Variants in POLR2C observed in about 807,000 individuals in gnomAD.
POLR2C encodes the protein DNA-directed RNA polymerase II subunit RPB3.
In POLR2C, 36 loss-of-function variants were observed where a neutral mutation model predicts 41.7. The observed-to-expected ratio is 0.86, with a 90% CI of 0.66 to 1.14. The LOEUF is 1.14. Ranked by LOEUF, POLR2C falls within the 50% of genes most tolerant of loss-of-function variation. POLR2C has a pLI of 0.00. For synonymous variants in POLR2C, 133 were observed against 137.8 expected (o/e 0.96, Z 0.25); for missense variants, 260 against 350.4 (o/e 0.74, Z 2.06).
Position 57,471,416 on chromosome 16 carries a change from A to C in POLR2C, c.*297A>C. 1 of 345,464 alleles carries C rather than the reference A, an allele frequency of 2.9e-6. No individual in the cohort carries two copies. The highest frequency in any genetic ancestry group is 5.4e-6 in the Non-Finnish European group (1 of 186,344). 21.4% of individuals were successfully genotyped at this position (345,464 alleles called of 1,614,324 possible). On this transcript the variant is annotated 3_prime_UTR_variant, in exon 9 of 9. Transcript: ENST00000219252. ...AGTGCACCTGTAGGGAACCAACTAG[A>C]CTTCTCTCCTGGTTAGTCCAGCTCT...
intron 2 of POLR2C, 187 bp downstream of exon 2, chr16:57,463,265 G>C (rs2030624973): frequency 1.6e-6 from 1 of 640,610 alleles, no homozygotes; most frequent in African/African-American, 1.8e-5. Context: ...TGGCGCCCAC[G>C]GGCCACTTAG....
At chr16:57,467,315 C>G (rs2030733133) in intron 4 of POLR2C, among the ~76,000 whole-genome samples, 1 of 152,354 alleles carries the variant, frequency 6.6e-6, no homozygotes, top group Admixed American at 6.5e-5. Flanking sequence ...TACGTTGTCA[C>G]ATTTTAACAT....
Position 57,463,091 on chromosome 16 carries a change from C to T in POLR2C, c.136+13C>T, listed in dbSNP as rs1193252610. The T allele has an allele frequency of 1.2e-6, 2 of 1,604,922 alleles. No individual in the cohort carries two copies. Among genetic ancestry groups the T allele is most frequent in the South Asian group, 2.2e-5 (2 of 90,906 alleles). On this transcript the variant is annotated intron_variant, in intron 2 of 8. Coordinates refer to ENST00000219252, the MANE Select transcript of POLR2C (RefSeq NM_032940.3). The stretch of plus-strand genomic sequence containing the variant: ...GTTCCCATAATAGGTAAGCGACTCC[C>T]CTTCCTCGTTCCCGCGCCCACGGGT...
chr16:57,470,339 A>C lies in POLR2C; in HGVS notation c.668A>C (p.Asn223Thr). Residue 223 changes from asparagine (N) to threonine (T), a missense_variant, in exon 8 of 9, where the codon AAC (asparagine) becomes ACC (threonine). Transcript: ENST00000219252. ...GAGTCGCAGGCTCCCTATGACCCCAACGGCAAGCCAGAAAGGTAAGAGCCT... is the reference window on the plus strand; with the variant it reads ...GAGTCGCAGGCTCCCTATGACCCCACCGGCAAGCCAGAAAGGTAAGAGCCT... ...EDESQAPYDP[N>T]GKPERFYYNV... 6.2e-7 allele frequency: 1 copy of C among 1,608,634 alleles called. No homozygotes were observed. The highest frequency in any genetic ancestry group is 8.5e-7 in the Non-Finnish European group (1 of 1,177,294).
intron 2 of POLR2C, among the ~76,000 whole-genome samples, chr16:57,464,211 T>G (rs557126753): frequency 1.4e-4 from 21 of 152,234 alleles, no homozygotes; most frequent in Non-Finnish European, 2.8e-4. Flanking sequence ...GCTTTTTTAT[T>G]AATCTATTCC....
At position 57,471,412 on chromosome 16, in the gene POLR2C, C is replaced by G. The variant is rs2030835677; in HGVS notation, c.*293C>G. ...TTCCAGTGCACCTGTAGGGAACCAA[C>G]TAGACTTCTCTCCTGGTTAGTCCAG... On this transcript the variant is annotated 3_prime_UTR_variant, in exon 9 of 9. Transcript: ENST00000219252. 2.8e-6 allele frequency: 1 copy of G among 355,980 alleles called. No homozygotes were observed. Among genetic ancestry groups the G allele is most frequent in the Admixed American group, 4.2e-5 (1 of 23,826 alleles). 22.1% of individuals were successfully genotyped at this position (355,980 alleles called of 1,614,324 possible). A position where few individuals can be genotyped will look rare whatever the true frequency, so the allele number is the denominator to read the frequency against.
rs2030602380 is a variant in POLR2C at position 57,462,768 on chromosome 16, C to T, written c.44C>T (p.Thr15Ile). ...CCTACCGTGCGGATCACGGAGCTCA[C>T]TGACGAGAATGTCAAGTTCATCATC... The part of the protein sequence containing the change: ...NQPTVRITEL[T>I]DENVKFIIEN... The change falls in exon 1 of 9, where the codon ACT (threonine) becomes ATT (isoleucine). Residue 15 changes from threonine (T) to isoleucine (I), a missense_variant. Physicochemically the swap from Thr to Ile is moderately conservative, Grantham distance 89 (BLOSUM62 -1). Transcript: ENST00000219252. The T allele has an allele frequency of 6.2e-7, 1 of 1,609,394 alleles. No homozygotes were observed. The highest frequency in any genetic ancestry group is 8.5e-7 in the Non-Finnish European group (1 of 1,177,826).
chr16:57,466,783 C>A (rs1410318930), intron 4 of POLR2C, among the ~76,000 whole-genome samples: 1 of 152,104 alleles, frequency 6.6e-6, no homozygotes, highest in Admixed American at 6.5e-5. Flanking sequence ...TTACCTTCAT[C>A]CTTTCACTAG....
chr16:57,463,837 G>C (rs2030640121), intron 2 of POLR2C: 16 of 317,008 alleles, frequency 5.0e-5, no homozygotes, highest in South Asian at 3.7e-4. Flanking sequence ...CAGCTACTGG[G>C]GAGGCTGAGG....
Position 57,469,918 on chromosome 16 carries a change from A to T in POLR2C, c.440-43A>T. 1 of 1,606,114 alleles carries T rather than the reference A, an allele frequency of 6.2e-7. No individual in the cohort carries two copies. The highest frequency in any genetic ancestry group is 8.5e-7 in the Non-Finnish European group (1 of 1,174,916). ...ACTCCAAGTCAGAATTTGGAGAAGC[A>T]TGTCTCTCCTGGCCCTTGACTGACT... On this transcript the variant is annotated intron_variant, in intron 6 of 8. Coordinates refer to ENST00000219252, the MANE Select transcript of POLR2C (RefSeq NM_032940.3). This position sits in a 1 kb window ranked among gnomAD's most constrained non-coding sequence, Gnocchi z 5.8.
intron 4 of POLR2C, among the ~76,000 whole-genome samples, chr16:57,468,028 T>G (rs1275105424): frequency 6.6e-6 from 1 of 152,154 alleles, no homozygotes; most frequent in Non-Finnish European, 1.5e-5. Context: ...TTCTATTTTT[T>G]CAGACAGGTC....
chr16:57,463,328 G>C, intron 2 of POLR2C: 1 of 590,628 alleles, frequency 1.7e-6, no homozygotes, highest in Non-Finnish European at 3.0e-6. Context: ...TTAGCAGTGT[G>C]CAGACTTGGG....
rs199997346 is a variant in POLR2C at position 57,469,315 on chromosome 16, C to G, written c.387+22C>G. 6.2e-7 allele frequency: 1 copy of G among 1,611,704 alleles called. No individual in the cohort carries two copies. Among genetic ancestry groups the G allele is most frequent in the Non-Finnish European group, 8.5e-7 (1 of 1,179,580 alleles). On this transcript the variant is annotated intron_variant, in intron 5 of 8. Coordinates refer to ENST00000219252, the MANE Select transcript of POLR2C (RefSeq NM_032940.3). The surrounding 1 kb of genome is among the most constrained non-coding windows in gnomAD (Gnocchi z 5.8). ...TCCGGTCAGTGCGGGAGAGCATCCT[C>G]TTTTCCCTGGGATCTTTTCTCTTCT...
Position 57,469,888 on chromosome 16 carries a change from G to C in POLR2C, c.440-73G>C. 5.7e-6 allele frequency: 9 copies of C among 1,592,422 alleles called. No homozygotes were observed. The highest frequency in any genetic ancestry group is 1.1e-5 in the South Asian group (1 of 90,610). On this transcript the variant is annotated intron_variant, in intron 6 of 8. Transcript: ENST00000219252. The surrounding 1 kb of genome is among the most constrained non-coding windows in gnomAD (Gnocchi z 5.8). ...TTTTCCAGATGTGTGTGGTCTTGCA[G>C]TGGCACTCCAAGTCAGAATTTGGAG...
chr16:57,471,116 T>C lies in POLR2C; in HGVS notation c.825T>C (p.Asn275=). ...HEIQSDVLTI[N] ...TCCAGAGTGATGTGCTAACCATAAA[T>C]TAACTGCAGCTTGCCTGCTTCAGCA... Residue 275 remains asparagine, a synonymous_variant, in exon 9 of 9, where the codon AAT becomes AAC. Coordinates refer to ENST00000219252, the MANE Select transcript of POLR2C (RefSeq NM_032940.3). 6.2e-7 allele frequency: 1 copy of C among 1,613,738 alleles called. No individual in the cohort carries two copies. The highest frequency in any genetic ancestry group is 8.5e-7 in the Non-Finnish European group (1 of 1,179,666).
intron 2 of POLR2C, chr16:57,463,986 A>G (rs749345681): frequency 1.5e-4 from 26 of 168,438 alleles, no homozygotes; most frequent in South Asian, 6.6e-4. Context: ...AGCCACGTCC[A>G]TGTTGCTGCA....
intron 2 of POLR2C, chr16:57,463,934 C>T (rs568326150): frequency 1.2e-3 from 195 of 165,226 alleles, no homozygotes; most frequent in Non-Finnish European, 2.3e-3. Context: ...AGTGAGACTC[C>T]TTCTCAAACA....
Position 57,469,684 on chromosome 16 carries a change from A to G in POLR2C, c.388-26A>G, listed in dbSNP as rs372631067. On this transcript the variant is annotated intron_variant, in intron 5 of 8. Transcript: ENST00000219252. The surrounding 1 kb of genome is among the most constrained non-coding windows in gnomAD (Gnocchi z 5.8). The stretch of plus-strand genomic sequence containing the variant: ...AGGTGACTGGGGAGGTGAGCAGCTA[A>G]TGAATGCCTGGTGGACTCCCTACAG... 4 of 1,602,554 alleles carry G rather than the reference A, an allele frequency of 2.5e-6. No individual in the cohort carries two copies. The highest frequency in any genetic ancestry group is 2.7e-5 in the African/African-American group (2 of 73,048).
Position 57,471,085 on chromosome 16 carries a change from A to G in POLR2C, c.794A>G (p.His265Arg), listed in dbSNP as rs761811294. The change falls in exon 9 of 9, where the codon CAC becomes CGC. Residue 265 changes from histidine (H) to arginine (R), a missense_variant. By Grantham distance (29) the His-to-Arg change is conservative. Coordinates refer to ENST00000219252, the MANE Select transcript of POLR2C (RefSeq NM_032940.3). ...KLSDLQTQLS[H>R]EIQSDVLTIN ...AGTGATTTACAAACTCAATTAAGCC[A>G]CGAGATCCAGAGTGATGTGCTAACC... The G allele has an allele frequency of 4.3e-6, 7 of 1,614,018 alleles. No individual in the cohort carries two copies. Among genetic ancestry groups the G allele is most frequent in the Non-Finnish European group, 5.9e-6 (7 of 1,179,880 alleles).
Sources: gnomAD v4.1 joint callset for allele counts (sites outside exome capture counted in the v4.1 genomes callset) on GRCh38, gnomAD v4.1.1 for gene constraint, Gnocchi (gnomAD v3.1) non-coding constraint, MANE v1.5 for transcripts, NCBI Gene and HGNC (gene_info 2026-07-23, HGNC 2026-07-21) for gene names.